The following MTOR variants were observed in gnomAD, a reference collection of about 807,000 sequenced individuals.
MTOR encodes the protein mechanistic target of rapamycin kinase.
Under a neutral mutation model 319.8 loss-of-function variants are expected in MTOR, and 70 were observed. The observed-to-expected ratio is 0.22, with a 90% CI of 0.18 to 0.27. The LOEUF (loss-of-function observed/expected upper bound fraction) is 0.27. MTOR is among the 10% of genes least tolerant of loss of function. The probability of loss-of-function intolerance (pLI) is 1.00; values close to 1 mark genes in which losing one functional copy is unlikely to be tolerated. For synonymous variants in MTOR, 1,183 were observed against 1,211.4 expected (o/e 0.98, Z 0.49); for missense variants, 1,890 against 3,274.4 (o/e 0.58, Z 10.32).
intron 20 of MTOR, 137 bp from the exon 21 acceptor site, chr1:11,213,703 TC>T (rs1646381403): frequency 2.6e-6 from 2 of 760,414 alleles, no homozygotes; most frequent in Admixed American, 2.6e-5. Context: ...ACTCCCCTCC[TC>T]CCACTGGGCC....
At chr1:11,260,600 C>T (rs780151859) in intron 1 of MTOR, among the ~76,000 whole-genome samples, 2 of 151,306 alleles carry the variant, frequency 1.3e-5, no homozygotes, top group African/African-American at 2.4e-5. Context: ...TTTAAGGCTG[C>T]TTGTAGCCAT....
rs202146577 is a variant in MTOR, at chr1:11,201,504, C to A, written c.3945-1801G>T. 7.2e-5 allele frequency among the ~76,000 whole-genome samples: 11 copies of A among 152,284 alleles called. No individual in the cohort carries two copies. In the East Asian group the frequency reaches 2.1e-3, roughly 29 times the overall value. ...ATCATAACAGCAAACCAGCTGCTGA[C>A]AAAAATGAAGTGAAATGCCTTGCTT... On this transcript the variant is annotated intron_variant, in intron 26 of 57. Transcript: ENST00000361445.
chr1:11,115,531 A>C lies in MTOR; in HGVS notation c.7017-63T>G. 6.7e-7 allele frequency: 1 copy of C among 1,494,586 alleles called. No individual in the cohort carries two copies. Among genetic ancestry groups the C allele is most frequent in the Admixed American group, 1.7e-5 (1 of 59,798 alleles). The allele number at this position is 1,494,586 out of a possible 1,614,324, so 92.6% of individuals were successfully genotyped here. A position where few individuals can be genotyped will look rare whatever the true frequency, so the allele number is the denominator to read the frequency against. On this transcript the variant is annotated intron_variant, in intron 50 of 57. Coordinates refer to ENST00000361445, the MANE Select transcript of MTOR (RefSeq NM_004958.4). This position sits in a 1 kb window ranked among gnomAD's most constrained non-coding sequence, Gnocchi z 4.5. ...AGAGATAACGGATGAAAAAATCAAT[A>C]AGTACGTGATACTGTAAGCTAGGAG...
At position 11,228,904 on chromosome 1, in the gene MTOR, T is replaced by C. The variant is rs780002014; in HGVS notation, c.2794A>G (p.Ser932Gly). The C allele has an allele frequency of 6.2e-7, 1 of 1,614,158 alleles. No individual in the cohort carries two copies. The highest frequency in any genetic ancestry group is 1.7e-5 in the Admixed American group (1 of 60,018). The change falls in exon 19 of 58, where the codon AGT becomes GGT. Residue 932 changes from serine (S) to glycine (G), a missense_variant. Ser to Gly is a moderately conservative substitution (Grantham distance 56, BLOSUM62 0). This residue lies in a region of MTOR where 377 missense variants were observed against 653.9 expected (regional missense o/e 0.58). Transcript: ENST00000361445. ...TTTCCCATGTTGACCAGCATTTCAC[T>C]AGTGCTATAGTCAGCTAGGACAAAA... Reference protein sequence around the residue: ...SSQDSSDYSTSEMLVNMGNLP... With the variant: ...SSQDSSDYSTGEMLVNMGNLP...
At chr1:11,247,552 T>C (rs1282314967) in intron 8 of MTOR, 73 bp downstream of exon 8, 2 of 1,339,484 alleles carry the variant, frequency 1.5e-6, no homozygotes, top group Non-Finnish European at 1.1e-6. Flanking sequence ...GAAAAGATAT[T>C]TGGCTTTTCT....
intron 28 of MTOR, chr1:11,195,570 C>G (rs1347313940): frequency 6.5e-6 from 1 of 155,038 alleles, no homozygotes; most frequent in Non-Finnish European, 1.4e-5. Context: ...AATTGTTCGG[C>G]TGGAACTGAC....
intron 36 of MTOR, 92 bp downstream of exon 36, chr1:11,139,212 G>A (rs1161766730): frequency 4.7e-6 from 7 of 1,496,850 alleles, no homozygotes. Flanking sequence ...TTTAAACACT[G>A]TTTCTTTTCT....
intron 20 of MTOR, among the ~76,000 whole-genome samples, chr1:11,215,769 G>A (rs1646449005): frequency 6.6e-6 from 1 of 152,152 alleles, no homozygotes; most frequent in Non-Finnish European, 1.5e-5. Context: ...ATATTTAACA[G>A]CCCTAAGAAA....
chr1:11,221,794 CAT>C (rs1015915981), intron 19 of MTOR, among the ~76,000 whole-genome samples: 3 of 149,260 alleles, frequency 2.0e-5, no homozygotes, highest in Admixed American at 1.3e-4. Context: ...AGTGAGATTA[CAT>C]ATATATATGT....
At position 11,164,900 on chromosome 1, in the gene MTOR, C is replaced by T. The variant is rs1644594608; in HGVS notation, c.4329+2542G>A. The stretch of plus-strand genomic sequence containing the variant: ...GCAGCACATCAAAAAGCTTATCAAC[C>T]ATGATCAAGTGGGCTTCATCCCTGG... On this transcript the variant is annotated intron_variant, in intron 29 of 57. Transcript: ENST00000361445. Among the ~76,000 whole-genome samples the T allele has an allele frequency of 2.0e-5, 3 of 152,296 alleles. 1 individual carries two copies. Among genetic ancestry groups the T allele is most frequent in the African/African-American group, 7.2e-5 (3 of 41,562 alleles).
chr1:11,192,246 AC>A (rs1334823842), intron 28 of MTOR: 1 of 1,564,984 alleles, frequency 6.4e-7, no homozygotes, highest in Admixed American at 1.7e-5. Context: ...CTAAATGCTC[AC>A]CCTGTGGTTT....
At chr1:11,123,387 G>C (rs1481354519) in intron 47 of MTOR, among the ~76,000 whole-genome samples, 2 of 150,636 alleles carry the variant, frequency 1.3e-5, no homozygotes, top group African/African-American at 2.4e-5. Context: ...CCCCTGAGTA[G>C]CTGGGACTAC....
At chr1:11,248,572 G>A (rs999826864) in intron 6 of MTOR, among the ~76,000 whole-genome samples, 1 of 152,212 alleles carries the variant, frequency 6.6e-6, no homozygotes, top group African/African-American at 2.4e-5. Flanking sequence ...GGTACTTTGG[G>A]AGGCCAAGGT....
chr1:11,161,139 C>A (rs1055754297), intron 29 of MTOR, among the ~76,000 whole-genome samples: 1 of 152,236 alleles, frequency 6.6e-6, no homozygotes, highest in Admixed American at 6.5e-5. Context: ...GAGATTATAA[C>A]CCGTGCCTGG....
At chr1:11,189,612 G>GC in intron 28 of MTOR, 1 of 1,613,490 alleles carries the variant, frequency 6.2e-7, no homozygotes. Context: ...CTGTGACCTG[G>GC]CTCTGCATTT....
Position 11,150,131 on chromosome 1 carries a change from C to A in MTOR, c.4565G>T (p.Gly1522Val), listed in dbSNP as rs1335147465. The change falls in exon 31 of 58, where the codon GGT becomes GTT. Residue 1522 changes from glycine to valine, a missense_variant. Coordinates refer to ENST00000361445, the MANE Select transcript of MTOR (RefSeq NM_004958.4). Reference protein sequence around the residue: ...MARMAAAAAWGLGQWDSMEEY... With the variant: ...MARMAAAAAWVLGQWDSMEEY... ...GCCTGTGAGGGAAGCTTTACCTAAA[C>A]CCCATGCAGCTGCAGCAGCCATCCG... The A allele has an allele frequency of 6.2e-7, 1 of 1,613,724 alleles. No individual in the cohort carries two copies. Among genetic ancestry groups the A allele is most frequent in the Non-Finnish European group, 8.5e-7 (1 of 1,179,940 alleles).
At chr1:11,244,386 AC>A (rs1648534676) in intron 8 of MTOR, among the ~76,000 whole-genome samples, 1 of 151,624 alleles carries the variant, frequency 6.6e-6, no homozygotes, top group African/African-American at 2.4e-5. Flanking sequence ...TAATCCCAAC[AC>A]TTTGGGAGGC....
At chr1:11,225,232 C>T (rs1646792606) in intron 19 of MTOR, among the ~76,000 whole-genome samples, 1 of 151,760 alleles carries the variant, frequency 6.6e-6, no homozygotes, top group Non-Finnish European at 1.5e-5. Context: ...TTTAAATTTT[C>T]CCCCCACATA....
intron 28 of MTOR, among the ~76,000 whole-genome samples, chr1:11,180,778 C>G (rs537602735): frequency 6.7e-6 from 1 of 149,628 alleles, no homozygotes; most frequent in African/African-American, 2.5e-5. Flanking sequence ...AGAAATAAGG[C>G]AGGTTTTTTT....
Sources: allele counts gnomAD v4.1 joint callset (sites outside exome capture counted in the v4.1 genomes callset), GRCh38; gene constraint gnomAD v4.1.1; regional missense constraint gnomAD v4.1.1; non-coding constraint Gnocchi (gnomAD v3.1); transcripts MANE v1.5; gene names NCBI Gene and HGNC (gene_info 2026-07-23, HGNC 2026-07-21).